CYTH3: variants seen among roughly 807,000 people sequenced by gnomAD.
CYTH3 encodes cytohesin 3, also known as cytohesin-3.
CYTH3 carries 23 observed loss-of-function variants against 55.1 expected under a neutral mutation model. The ratio of observed to expected loss-of-function variants is 0.42; its 90% confidence interval spans 0.30 to 0.59. CYTH3 has a LOEUF of 0.59. Among genes scored for constraint, CYTH3 ranks in the 20% least tolerant of loss-of-function variants. CYTH3 has a pLI of 0.20. For synonymous variants in CYTH3, 249 were observed against 194.9 expected (o/e 1.28, Z -2.31); for missense variants, 413 against 524.8 (o/e 0.79, Z 2.08).
In CYTH3 at chr7:6,162,824, C is replaced by A. The variant is rs1782876470; in HGVS notation, c.*2120G>T. ...CAGAAAGCTCTGCATCCCCAGGTCA[C>A]ACCTGGGTTGGTCAGAAGAAGGAAA... is the stretch of plus-strand genomic sequence containing the variant. On this transcript the variant is annotated 3_prime_UTR_variant, in exon 13 of 13. Coordinates refer to ENST00000350796, the MANE Select transcript of CYTH3 (RefSeq NM_004227.4). The A allele has an allele frequency of 1.3e-5, 2 of 152,646 alleles. No individual in the cohort carries two copies. The highest frequency in any genetic ancestry group is 6.5e-5 in the Admixed American group (1 of 15,290). 9.5% of individuals were successfully genotyped at this position (152,646 alleles called of 1,614,324 possible).
chr7:6,233,655 CA>C (rs557639314), intron 1 of CYTH3, among the ~76,000 whole-genome samples: 2,851 of 79,582 alleles, frequency 0.036, 38 homozygotes, highest in Middle Eastern at 0.12. Flanking sequence ...GACTCCATCT[CA>C]AAAAAAAAAA....
intron 12 of CYTH3, 108 bp from the exon 13 acceptor site, chr7:6,165,124 A>C: frequency 6.4e-7 from 1 of 1,568,488 alleles, no homozygotes; most frequent in Non-Finnish European, 8.7e-7. Flanking sequence ...CTCAGATCTG[A>C]ACGTCGGCTT....
Position 6,169,646 on chromosome 7 carries a change from C to T in CYTH3, c.823+889G>A, listed in dbSNP as rs1783114464. On this transcript the variant is annotated intron_variant, in intron 9 of 12. Transcript: ENST00000350796. This position sits in a 1 kb window ranked among gnomAD's most constrained non-coding sequence, Gnocchi z 4.1. ...CGCTTCACTGTGGGCATAAGGCAAC[C>T]ATCCCCGCCCCGCAGGCAAAACAAC... Among the ~76,000 whole-genome samples the T allele has an allele frequency of 6.6e-6, 1 of 152,230 alleles. No homozygotes were observed. Among genetic ancestry groups the T allele is most frequent in the African/African-American group, 2.4e-5 (1 of 41,454 alleles).
intron 2 of CYTH3, among the ~76,000 whole-genome samples, chr7:6,188,008 G>T (rs367876711): frequency 7.4e-6 from 1 of 135,042 alleles, no homozygotes; most frequent in Non-Finnish European, 1.5e-5. Flanking sequence ...CAAGCACACT[G>T]GGGGGGGAAT....
At chr7:6,179,775 A>ACACCC (rs1783449110) in intron 4 of CYTH3, among the ~76,000 whole-genome samples, 2 of 115,884 alleles carry the variant, frequency 1.7e-5, no homozygotes, top group Admixed American at 1.8e-4. Flanking sequence ...CACACCCCAC[A>ACACCC]CACACCACCT....
chr7:6,186,118 C>T (rs1783641941), intron 4 of CYTH3, among the ~76,000 whole-genome samples: 1 of 151,874 alleles, frequency 6.6e-6, no homozygotes, highest in Non-Finnish European at 1.5e-5. Flanking sequence ...GTGGCGGGCG[C>T]CTGTAGTCTC....
rs117394623 is a variant in CYTH3 at position 6,222,245 on chromosome 7, C to G, written c.35-31714G>C. Among the ~76,000 whole-genome samples, 22 of 152,228 alleles carry G rather than the reference C, an allele frequency of 1.4e-4. No individual in the cohort carries two copies. In the East Asian group the frequency reaches 2.9e-3, roughly 20 times the overall value. ...AAGGCAGAGATGTCAAGGGACATCA[C>G]GGAAGGAAGATTAGGGCTTAGTCAT... On this transcript the variant is annotated intron_variant, in intron 1 of 12. Transcript: ENST00000350796.
chr7:6,245,504 T>G (rs1166566558), intron 1 of CYTH3, among the ~76,000 whole-genome samples: 1 of 152,162 alleles, frequency 6.6e-6, no homozygotes, highest in East Asian at 1.9e-4. Flanking sequence ...CTAGAGAGAA[T>G]GTGTCCAGCG....
intron 1 of CYTH3, among the ~76,000 whole-genome samples, chr7:6,252,604 C>G (rs555130651): frequency 6.6e-5 from 10 of 152,152 alleles, no homozygotes; most frequent in East Asian, 3.9e-4. Flanking sequence ...TGCCCATCAC[C>G]GGATACATGA....
intron 1 of CYTH3, among the ~76,000 whole-genome samples, chr7:6,260,057 A>G (rs1780312062): frequency 6.7e-6 from 1 of 150,158 alleles, no homozygotes; most frequent in South Asian, 2.1e-4. Flanking sequence ...TGGAACTCCC[A>G]ACCTCAGGTG....
intron 9 of CYTH3, among the ~76,000 whole-genome samples, chr7:6,166,030 G>A (rs997346389): frequency 6.6e-6 from 1 of 152,198 alleles, no homozygotes; most frequent in Non-Finnish European, 1.5e-5. Context: ...GCCCCTTGAT[G>A]ACACAACCGC....
At chr7:6,255,946 G>A (rs921129839) in intron 1 of CYTH3, among the ~76,000 whole-genome samples, 1 of 151,954 alleles carries the variant, frequency 6.6e-6, no homozygotes, top group African/African-American at 2.4e-5. Flanking sequence ...TGTATTTTTA[G>A]TAGAGACAGG....
chr7:6,259,812 TAATATATATATATATATATA>T (rs1780294491), intron 1 of CYTH3, among the ~76,000 whole-genome samples: 19 of 29,342 alleles, frequency 6.5e-4, no homozygotes, highest in African/African-American at 1.0e-3. Flanking sequence ...TATATATATA[TAATATATATATATATATATA>T]TTTTTTTTTT....
At chr7:6,175,784 T>A (rs1017799750) in intron 5 of CYTH3, among the ~76,000 whole-genome samples, 2 of 152,204 alleles carry the variant, frequency 1.3e-5, no homozygotes, top group East Asian at 3.9e-4. Flanking sequence ...TGACCTCAGG[T>A]GATCTGCCCG....
chr7:6,224,398 A>G (rs981822301), intron 1 of CYTH3, among the ~76,000 whole-genome samples: 1 of 152,230 alleles, frequency 6.6e-6, no homozygotes. Context: ...TATTTAAAAC[A>G]AGTCTCTTCA....
At chr7:6,249,371 T>C (rs1779903305) in intron 1 of CYTH3, among the ~76,000 whole-genome samples, 1 of 152,232 alleles carries the variant, frequency 6.6e-6, no homozygotes, top group African/African-American at 2.4e-5. Context: ...ATCCAATCTC[T>C]GTAAAGAAAA....
At chr7:6,184,466 G>A (rs964633313) in intron 4 of CYTH3, among the ~76,000 whole-genome samples, 1 of 152,154 alleles carries the variant, frequency 6.6e-6, no homozygotes, top group African/African-American at 2.4e-5. Context: ...CTGACACACG[G>A]TATATATAAA....
chr7:6,262,146 C>T (rs111605766), intron 1 of CYTH3, among the ~76,000 whole-genome samples: 2 of 151,868 alleles, frequency 1.3e-5, no homozygotes, highest in Admixed American at 6.6e-5. Flanking sequence ...ACAGAGTGAA[C>T]GATGGAGAGG....
rs1782871580 is a variant in CYTH3, at chr7:6,162,704, G to C, written c.*2240C>G. ...CACAGCCTCTGCATGGCTCCCAGGT[G>C]CCCACCACCTGGCGAAGCTCATTCA... is the stretch of plus-strand genomic sequence containing the variant. On this transcript the variant is annotated 3_prime_UTR_variant, in exon 13 of 13. Transcript: ENST00000350796. 6.6e-6 allele frequency: 1 copy of C among 152,274 alleles called. No individual in the cohort carries two copies. Among genetic ancestry groups the C allele is most frequent in the Non-Finnish European group, 1.5e-5 (1 of 68,070 alleles). 9.4% of individuals were successfully genotyped at this position (152,274 alleles called of 1,614,324 possible).
Sources: allele counts gnomAD v4.1 joint callset (sites outside exome capture counted in the v4.1 genomes callset), GRCh38; gene constraint gnomAD v4.1.1; non-coding constraint Gnocchi (gnomAD v3.1); transcripts MANE v1.5; gene names NCBI Gene and HGNC (gene_info 2026-07-23, HGNC 2026-07-21).